The following TAFA5 variants were observed in gnomAD, a reference collection of about 807,000 sequenced individuals.
TAFA5 encodes the protein TAFA chemokine like family member 5.
In TAFA5, 6 loss-of-function variants were observed where a neutral mutation model predicts 15.3. The ratio of observed to expected loss-of-function variants is 0.39; its 90% confidence interval spans 0.21 to 0.77. The LOEUF (loss-of-function observed/expected upper bound fraction) is 0.77. Ranked by LOEUF, TAFA5 falls within the 30% of genes least tolerant of loss-of-function variation. TAFA5 has a pLI of 0.41. For missense variants in TAFA5, 161 were observed against 193.1 expected (o/e 0.83, Z 0.98); for synonymous variants, 103 against 80.7 (o/e 1.28, Z -1.48).
chr22:48,668,767 C>T (rs1927707264), intron 2 of TAFA5, among the ~76,000 whole-genome samples: 1 of 152,232 alleles, frequency 6.6e-6, no homozygotes, highest in African/African-American at 2.4e-5. Context: ...GCTGTAGTCC[C>T]CCAGCACTCA....
chr22:48,659,129 C>G (rs1473925676), intron 2 of TAFA5, among the ~76,000 whole-genome samples: 1 of 152,230 alleles, frequency 6.6e-6, no homozygotes. Flanking sequence ...AGCATTCTTC[C>G]TGGCCTGTTG....
intron 2 of TAFA5, among the ~76,000 whole-genome samples, chr22:48,706,420 G>A (rs533413227): frequency 1.3e-5 from 2 of 152,328 alleles, no homozygotes; most frequent in Admixed American, 1.3e-4. Context: ...GGCATGAAGC[G>A]AGCCACATGC....
intron 2 of TAFA5, among the ~76,000 whole-genome samples, chr22:48,686,478 G>GGCCTA (rs1346075090): frequency 1.3e-5 from 2 of 152,168 alleles, no homozygotes; most frequent in Admixed American, 1.3e-4. Context: ...CCACTCTTAT[G>GGCCTA]GCCTAATCAC....
At chr22:48,559,249 G>A (rs929566657) in intron 1 of TAFA5, among the ~76,000 whole-genome samples, 19 of 152,228 alleles carry the variant, frequency 1.2e-4, no homozygotes, top group Admixed American at 6.5e-4. Flanking sequence ...GGGCTGCCCC[G>A]CAGCAGATTT....
rs138804644 is a variant in TAFA5 at position 48,722,267 on chromosome 22, C to T, written c.390+14423C>T. Among the ~76,000 whole-genome samples the T allele has an allele frequency of 1.6e-3, 240 of 152,196 alleles. 1 individual carries two copies. Among genetic ancestry groups the T allele is most frequent in the African/African-American group, 4.9e-3 (204 of 41,526 alleles). On this transcript the variant is annotated intron_variant, in intron 3 of 3. Transcript: ENST00000402357. Reference sequence around the variant, plus strand: ...TGAGGTGGTATCTCATTGTTTATTGCGGCACCGTTCACGATAGCAAAGACT... The same window carrying T: ...TGAGGTGGTATCTCATTGTTTATTGTGGCACCGTTCACGATAGCAAAGACT...
At position 48,598,860 on chromosome 22, in the gene TAFA5, A is replaced by C. The variant is rs1924862713; in HGVS notation, c.113-47737A>C. On this transcript the variant is annotated intron_variant, in intron 1 of 3. Coordinates refer to ENST00000402357, the MANE Select transcript of TAFA5 (RefSeq NM_001082967.3). This position sits in a 1 kb window ranked among gnomAD's most constrained non-coding sequence, Gnocchi z 4.0. The stretch of plus-strand genomic sequence containing the variant: ...TGGTACCTGTATTTCCGACTGACTG[A>C]ATATAAGTCAGGGGGTTTCCACCAC... Among the ~76,000 whole-genome samples the C allele has an allele frequency of 6.6e-6, 1 of 152,054 alleles. No individual in the cohort carries two copies. Among genetic ancestry groups the C allele is most frequent in the Non-Finnish European group, 1.5e-5 (1 of 68,024 alleles).
At chr22:48,590,053 G>A (rs898139966) in intron 1 of TAFA5, among the ~76,000 whole-genome samples, 6 of 152,176 alleles carry the variant, frequency 3.9e-5, no homozygotes, top group African/African-American at 9.6e-5. Flanking sequence ...TCTGGTCAGC[G>A]TGGCTGGCGG....
chr22:48,571,524 T>G (rs565479247), intron 1 of TAFA5, among the ~76,000 whole-genome samples: 36 of 143,854 alleles, frequency 2.5e-4, no homozygotes, highest in African/African-American at 8.3e-4. Flanking sequence ...CTGCCTGCCT[T>G]GGCCTCCCAA....
At chr22:48,546,963 T>C (rs1008463843) in intron 1 of TAFA5, 3 of 165,500 alleles carry the variant, frequency 1.8e-5, no homozygotes, top group African/African-American at 7.2e-5. Context: ...TTAAAAGAGT[T>C]TGTTTTTCCA....
chr22:48,572,442 G>A (rs978314670), intron 1 of TAFA5, among the ~76,000 whole-genome samples: 10 of 152,224 alleles, frequency 6.6e-5, no homozygotes, highest in Non-Finnish European at 1.5e-4. Context: ...CTGGCGGCTT[G>A]ACCCTAGGGA....
intron 1 of TAFA5, among the ~76,000 whole-genome samples, chr22:48,548,456 C>T (rs180828897): frequency 9.2e-5 from 14 of 152,260 alleles, no homozygotes; most frequent in Admixed American, 5.2e-4. Context: ...ACCAGAAACT[C>T]GGGCCTCACA....
chr22:48,658,127 C>G (rs924078602), intron 2 of TAFA5, among the ~76,000 whole-genome samples: 1 of 151,784 alleles, frequency 6.6e-6, no homozygotes, highest in African/African-American at 2.4e-5. Context: ...CAGGGACATT[C>G]GTGACGTTTC....
intron 2 of TAFA5, among the ~76,000 whole-genome samples, chr22:48,699,106 T>C (rs145851253): frequency 0.045 from 6,883 of 152,102 alleles, 454 homozygotes; most frequent in African/African-American, 0.14. Flanking sequence ...CTAATTTTTG[T>C]ATTTTTAGTA....
intron 1 of TAFA5, among the ~76,000 whole-genome samples, chr22:48,502,766 C>T (rs1920960053): frequency 6.6e-6 from 1 of 151,944 alleles, no homozygotes; most frequent in Admixed American, 6.5e-5. Context: ...AGGTGATCCG[C>T]CCCCCTCGGT....
rs1377733170 is a variant in TAFA5 at position 48,750,063 on chromosome 22, G to C, written c.*216G>C. 1 of 597,130 alleles carries C rather than the reference G, an allele frequency of 1.7e-6. No homozygotes were observed. Among genetic ancestry groups the C allele is most frequent in the Non-Finnish European group, 3.0e-6 (1 of 336,164 alleles). The allele number at this position is 597,130 out of a possible 1,614,324, so 37.0% of individuals were successfully genotyped here. A position where few individuals can be genotyped will look rare whatever the true frequency, so the allele number is the denominator to read the frequency against. On this transcript the variant is annotated 3_prime_UTR_variant, in exon 4 of 4. Coordinates refer to ENST00000402357, the MANE Select transcript of TAFA5 (RefSeq NM_001082967.3). The stretch of plus-strand genomic sequence containing the variant: ...GAGGCCGGACTCAGACACATAGGCG[G>C]GGGGCGGCACCTGGCATCAGCAATA...
At position 48,586,075 on chromosome 22, in the gene TAFA5, C is replaced by T. The variant is rs1924348657; in HGVS notation, c.113-60522C>T. On this transcript the variant is annotated intron_variant, in intron 1 of 3. Transcript: ENST00000402357. ...CCTTGTCCCCATCCTCACCCGGACC[C>T]TGACCCTGGCCCTCGCTGGCTGGGC... 2.6e-5 allele frequency among the ~76,000 whole-genome samples: 4 copies of T among 152,246 alleles called. No homozygotes were observed. The South Asian group carries it at 8.3e-4, about 31-fold the overall frequency.
At chr22:48,642,003 A>AG (rs996820386) in intron 1 of TAFA5, among the ~76,000 whole-genome samples, 2 of 152,046 alleles carry the variant, frequency 1.3e-5, no homozygotes, top group Middle Eastern at 3.4e-3. Context: ...CAGCACGCTG[A>AG]GGGGGGCAGC....
intron 1 of TAFA5, among the ~76,000 whole-genome samples, chr22:48,629,836 C>A (rs893849180): frequency 6.6e-6 from 1 of 150,680 alleles, no homozygotes; most frequent in Non-Finnish European, 1.5e-5. Flanking sequence ...GATCACAGCC[C>A]CCTGGATGGG....
intron 2 of TAFA5, among the ~76,000 whole-genome samples, chr22:48,696,709 G>A (rs1211368446): frequency 1.3e-5 from 2 of 152,248 alleles, no homozygotes; most frequent in Non-Finnish European, 2.9e-5. Context: ...TGCTGTCCTT[G>A]CTGCCTTCAA....
Sources: allele counts gnomAD v4.1 joint callset (sites outside exome capture counted in the v4.1 genomes callset), GRCh38; gene constraint gnomAD v4.1.1; non-coding constraint Gnocchi (gnomAD v3.1); transcripts MANE v1.5; gene names NCBI Gene and HGNC (gene_info 2026-07-23, HGNC 2026-07-21).